TERF2IP: variants seen among roughly 807,000 people sequenced by gnomAD.
TERF2IP encodes the protein TERF2 interacting protein, also known as telomeric repeat-binding factor 2-interacting protein 1.
Under a neutral mutation model 33.3 loss-of-function variants are expected in TERF2IP, and 35 were observed. The ratio of observed to expected loss-of-function variants is 1.05; its 90% CI spans 0.80 to 1.39. The LOEUF (loss-of-function observed/expected upper bound fraction) is 1.39, where lower values mean the gene tolerates loss of function less well. Among genes scored for constraint, TERF2IP ranks in the 40% most tolerant of loss-of-function variants. The pLI is 0.00. For synonymous variants in TERF2IP, 253 were observed against 223.2 expected, an observed-to-expected ratio of 1.13 and a Z score of -1.19; for missense variants, 583 against 524.8, an observed-to-expected ratio of 1.11 and a Z score of -1.08.
rs1474837725 is a variant in TERF2IP, at chr16:75,648,491, C to T, written c.609C>T (p.Ser203=). The T allele has an allele frequency of 6.3e-7, 1 of 1,588,248 alleles. No homozygotes were observed. The highest frequency in any genetic ancestry group is 1.8e-5 in the Admixed American group (1 of 55,608). ...ACCTGCTGGGGGACGCGCCGGTGAG[C>T]CCCTCCTCCCAGAAGCTCAAGCGGA... The part of the protein sequence containing the change: ...HKYLLGDAPV[S]PSSQKLKRKA... Residue 203 remains serine (S), a synonymous_variant, in exon 1 of 3, where the codon AGC becomes AGT. Coordinates refer to ENST00000300086, the MANE Select transcript of TERF2IP (RefSeq NM_018975.4).
rs780616875 is a variant in TERF2IP at position 75,647,926 on chromosome 16, C to G, written c.44C>G (p.Thr15Ser). The G allele has an allele frequency of 6.2e-7, 1 of 1,612,134 alleles. No individual in the cohort carries two copies. The highest frequency in any genetic ancestry group is 8.5e-7 in the Non-Finnish European group (1 of 1,178,608). ...MDLGKDPNGP[T>S]HSSTLFVRDD... ...TTGGGCAAAGACCCCAACGGGCCCA[C>G]CCATTCCTCGACTCTGTTCGTGAGG... Residue 15 changes from threonine (T) to serine (S), a missense_variant, in exon 1 of 3, where the codon ACC (threonine) becomes AGC (serine). By Grantham distance (58) the Thr-to-Ser change is moderately conservative. Coordinates refer to ENST00000300086, the MANE Select transcript of TERF2IP (RefSeq NM_018975.4).
intron 1 of TERF2IP, among the ~76,000 whole-genome samples, chr16:75,651,224 A>G (rs1194705959): frequency 2.0e-5 from 3 of 152,210 alleles, no homozygotes; most frequent in Non-Finnish European, 4.4e-5. Flanking sequence ...ATACACTGCA[A>G]TAGACTTAGT....
At position 75,648,579 on chromosome 16, in the gene TERF2IP, C is replaced by T. The variant is rs570860222; in HGVS notation, c.670+27C>T. On this transcript the variant is annotated intron_variant, in intron 1 of 2. Coordinates refer to ENST00000300086, the MANE Select transcript of TERF2IP (RefSeq NM_018975.4). ...TGAGGAGGCTGAGCGCGGGGCCTCG[C>T]GGATATCTGCGCGGGTGGGGTTGGG... The T allele has an allele frequency of 9.6e-5, 145 of 1,503,274 alleles. No individual in the cohort carries two copies. The African/African-American group carries it at 1.7e-3, about 18-fold the overall frequency. 93.1% of individuals were successfully genotyped at this position (1,503,274 alleles called of 1,614,324 possible). A position where few individuals can be genotyped will look rare whatever the true frequency, so the allele number is the denominator to read the frequency against.
In TERF2IP at chr16:75,647,823, A is replaced by G. The variant is rs2151815490; in HGVS notation, c.-60A>G. On this transcript the variant is annotated 5_prime_UTR_variant, in exon 1 of 3. Transcript: ENST00000300086. ...TCTGCGGTGACAGCTCAGTCAGTTG[A>G]GCTCTGTGTGCCAGGCGCTCGCGAG... is the stretch of plus-strand genomic sequence containing the variant. 6.3e-7 allele frequency: 1 copy of G among 1,596,726 alleles called. No homozygotes were observed. The highest frequency in any genetic ancestry group is 8.6e-7 in the Non-Finnish European group (1 of 1,168,210).
rs1399706752 is a variant in TERF2IP, at chr16:75,648,090, G to A, written c.208G>A (p.Ala70Thr). 6.4e-7 allele frequency: 1 copy of A among 1,565,174 alleles called. No homozygotes were observed. The highest frequency in any genetic ancestry group is 1.4e-5 in the African/African-American group (1 of 73,804). Residue 70 changes from alanine (A) to threonine (T), a missense_variant, in exon 1 of 3, where the codon GCG becomes ACG. Physicochemically the swap from Ala to Thr is moderately conservative, Grantham distance 58. Coordinates refer to ENST00000300086, the MANE Select transcript of TERF2IP (RefSeq NM_018975.4). The stretch of plus-strand genomic sequence containing the variant: ...CGTGCTGCTGGCCCAGCCCGGGGAG[G>A]CGCTGGCCGAGGCCTCGGGTGATTT... The part of the protein sequence containing the change: ...GAVLLAQPGE[A>T]LAEASGDFIS...
At chr16:75,649,315 G>A (rs1260935972) in intron 1 of TERF2IP, among the ~76,000 whole-genome samples, 1 of 152,194 alleles carries the variant, frequency 6.6e-6, no homozygotes, top group Non-Finnish European at 1.5e-5. Context: ...AGGCCGAGGC[G>A]GGCGGATCAC....
chr16:75,651,274 A>T (rs2082345280), intron 1 of TERF2IP, among the ~76,000 whole-genome samples: 1 of 152,146 alleles, frequency 6.6e-6, no homozygotes, highest in Non-Finnish European at 1.5e-5. Context: ...TTAAGTAAGA[A>T]GTCATTAAGT....
chr16:75,649,500 C>T (rs1349041499), intron 1 of TERF2IP, among the ~76,000 whole-genome samples: 1 of 151,410 alleles, frequency 6.6e-6, no homozygotes, highest in Non-Finnish European at 1.5e-5. Flanking sequence ...GCCGAGACTG[C>T]GCCACTGCTC....
intron 2 of TERF2IP, 93 bp downstream of exon 2, chr16:75,654,490 C>T: frequency 7.4e-7 from 1 of 1,353,068 alleles, no homozygotes; most frequent in South Asian, 1.5e-5. Context: ...CTACCTGGGG[C>T]TCAGGAAAGT....
intron 2 of TERF2IP, 127 bp downstream of exon 2, chr16:75,654,524 G>A (rs779124086): frequency 5.9e-5 from 62 of 1,042,428 alleles, no homozygotes; most frequent in Non-Finnish European, 7.9e-5. Context: ...AAGATGGAAA[G>A]GGAAAATGGA....
At chr16:75,650,185 T>C (rs1006415618) in intron 1 of TERF2IP, among the ~76,000 whole-genome samples, 14 of 151,136 alleles carry the variant, frequency 9.3e-5, no homozygotes, top group Admixed American at 4.6e-4. Context: ...AGCTGGGGAG[T>C]GGTAAGGGCT....
intron 1 of TERF2IP, among the ~76,000 whole-genome samples, chr16:75,651,446 T>C (rs952035553): frequency 6.6e-6 from 1 of 152,172 alleles, no homozygotes; most frequent in Non-Finnish European, 1.5e-5. Flanking sequence ...CCTAGCACTT[T>C]GGGAGGCCAA....
At chr16:75,654,814 C>T (rs936027234) in intron 2 of TERF2IP, among the ~76,000 whole-genome samples, 12 of 152,118 alleles carry the variant, frequency 7.9e-5, no homozygotes, top group Non-Finnish European at 1.5e-4. Context: ...CTGCAAGCTC[C>T]GCCTCCTGGG....
At chr16:75,653,472 A>G (rs993796273) in intron 1 of TERF2IP, among the ~76,000 whole-genome samples, 1 of 152,336 alleles carries the variant, frequency 6.6e-6, no homozygotes, top group South Asian at 2.1e-4. Context: ...CCATCACGAA[A>G]AACTCCCTCT....
At position 75,654,157 on chromosome 16, in the gene TERF2IP, A is replaced by G. The variant is rs1379947885; in HGVS notation, c.671-116A>G. On this transcript the variant is annotated intron_variant, in intron 1 of 2. Transcript: ENST00000300086. ...AGATGTCTTCTGATAGTAAAAAAAAAAAAAAAAAAAAAAAAAGTGCAGGCT... is the reference window on the plus strand; with the variant it reads ...AGATGTCTTCTGATAGTAAAAAAAAGAAAAAAAAAAAAAAAAGTGCAGGCT... 4 of 876,830 alleles carry G rather than the reference A, an allele frequency of 4.6e-6. No individual in the cohort carries two copies. The East Asian group carries it at 1.4e-4, about 31-fold the overall frequency. 54.3% of individuals were successfully genotyped at this position (876,830 alleles called of 1,614,324 possible).
chr16:75,656,067 C>T (rs2151820668), intron 2 of TERF2IP, 140 bp from the exon 3 acceptor site: 1 of 798,224 alleles, frequency 1.3e-6, no homozygotes, highest in Non-Finnish European at 2.0e-6. Flanking sequence ...AGAAGGAACA[C>T]AGCATATTAA....
chr16:75,649,422 T>C (rs2082330298), intron 1 of TERF2IP, among the ~76,000 whole-genome samples: 1 of 151,836 alleles, frequency 6.6e-6, no homozygotes, highest in Non-Finnish European at 1.5e-5. Flanking sequence ...AGAGTTCCTG[T>C]AGTCCCAGCT....
intron 2 of TERF2IP, 84 bp from the exon 3 acceptor site, chr16:75,656,123 G>T: frequency 7.4e-7 from 1 of 1,348,312 alleles, no homozygotes; most frequent in Admixed American, 2.2e-5. Context: ...AGAGGGCAAG[G>T]GGGTGATAGT....
chr16:75,647,817 C>T lies in TERF2IP; in HGVS notation c.-66C>T, dbSNP rs1597182605. ...GAGGCGTCTGCGGTGACAGCTCAGT[C>T]AGTTGAGCTCTGTGTGCCAGGCGCT... is the stretch of plus-strand genomic sequence containing the variant. On this transcript the variant is annotated 5_prime_UTR_variant, in exon 1 of 3. Transcript: ENST00000300086. 3.2e-6 allele frequency: 5 copies of T among 1,584,808 alleles called. No individual in the cohort carries two copies. The highest frequency in any genetic ancestry group is 2.2e-5 in the East Asian group (1 of 44,516).
Sources: allele counts gnomAD v4.1 joint callset (sites outside exome capture counted in the v4.1 genomes callset), GRCh38; gene constraint gnomAD v4.1.1; transcripts MANE v1.5; gene names NCBI Gene and HGNC (gene_info 2026-07-23, HGNC 2026-07-21).